The following RPS27A variants were observed in gnomAD, a reference collection of about 807,000 sequenced individuals.
RPS27A encodes the protein ubiquitin-ribosomal protein eS31 fusion protein.
RPS27A carries 1 observed loss-of-function variant against 18.9 expected under a neutral mutation model. The ratio of observed to expected loss-of-function variants is 0.05; its 90% confidence interval spans 0.02 to 0.25. RPS27A has a LOEUF of 0.25. Among genes scored for constraint, RPS27A ranks in the 10% least tolerant of loss-of-function variants. RPS27A has a pLI of 1.00. For synonymous variants in RPS27A, 77 were observed against 63.7 expected (o/e 1.21, Z -0.99); for missense variants, 123 against 187.4 (o/e 0.66, Z 2.01).
chr2:55,232,822 A>G lies in RPS27A; in HGVS notation c.-3A>G, dbSNP rs1431571389. ...CTCAACCTCAGGTGGAGCCGCCACC[A>G]AAATGCAGATTTTCGTGAAAACCCT... On this transcript the variant is annotated 5_prime_UTR_variant, in exon 2 of 6. Transcript: ENST00000272317. The G allele has an allele frequency of 1.2e-6, 2 of 1,612,820 alleles. No individual in the cohort carries two copies. Among genetic ancestry groups the G allele is most frequent in the Non-Finnish European group, 1.7e-6 (2 of 1,179,566 alleles).
At position 55,235,705 on chromosome 2, in the gene RPS27A, G is replaced by C; in HGVS notation, c.*128G>C. ...TTTTAGTAGTGCTACTGCTATCGCT[G>C]TGTGAATGTTGCCTCTGGGGATTAT... On this transcript the variant is annotated 3_prime_UTR_variant, in exon 6 of 6. Coordinates refer to ENST00000272317, the MANE Select transcript of RPS27A (RefSeq NM_002954.6). The C allele has an allele frequency of 9.2e-7, 1 of 1,083,358 alleles. No homozygotes were observed. Among genetic ancestry groups the C allele is most frequent in the Non-Finnish European group, 1.4e-6 (1 of 726,104 alleles). The allele number at this position is 1,083,358 out of a possible 1,614,324, so 67.1% of individuals were successfully genotyped here. A position where few individuals can be genotyped will look rare whatever the true frequency, so the allele number is the denominator to read the frequency against.
chr2:55,232,356 A>T, upstream of RPS27A: 1 of 269,648 alleles, frequency 3.7e-6, no homozygotes. Context: ...GGAGAACTAC[A>T]GTTCCCAGAA....
At chr2:55,233,502 A>C in intron 3 of RPS27A, 85 bp downstream of exon 3, 1 of 928,816 alleles carries the variant, frequency 1.1e-6, no homozygotes, top group Non-Finnish European at 1.8e-6. Flanking sequence ...GCTCTTGGTG[A>C]TGGGGGAAGG....
At chr2:55,233,495 C>A in intron 3 of RPS27A, 78 bp downstream of exon 3, 1 of 977,222 alleles carries the variant, frequency 1.0e-6, no homozygotes, top group South Asian at 1.3e-5. Flanking sequence ...CATACCTGCT[C>A]TTGGTGATGG....
At chr2:55,233,851 A>G (rs749305617) in intron 3 of RPS27A, 1 of 541,126 alleles carries the variant, frequency 1.8e-6, no homozygotes, top group Non-Finnish European at 3.3e-6. Context: ...GCTGGTTTTG[A>G]ACTTTTCACA....
In RPS27A at chr2:55,234,114, A is replaced by T; in HGVS notation, c.104-5A>T. The T allele has an allele frequency of 6.2e-7, 1 of 1,612,172 alleles. No homozygotes were observed. The highest frequency in any genetic ancestry group is 1.1e-5 in the South Asian group (1 of 91,044). Reference sequence around the variant, plus strand: ...TGTGACTTAATTTTTGTTTTTTGTCATTAGGAATTCCTCCTGATCAGCAGA... The same window carrying T: ...TGTGACTTAATTTTTGTTTTTTGTCTTTAGGAATTCCTCCTGATCAGCAGA... On this transcript the variant is annotated splice_polypyrimidine_tract_variant and splice_region_variant and intron_variant, in intron 3 of 5. Coordinates refer to ENST00000272317, the MANE Select transcript of RPS27A (RefSeq NM_002954.6).
At chr2:55,234,794 G>T in intron 4 of RPS27A, 37 bp from the exon 5 acceptor site, 1 of 1,610,994 alleles carries the variant, frequency 6.2e-7, no homozygotes, top group Admixed American at 1.7e-5. Context: ...CATTCTTAGT[G>T]GAATCATGAA....
intron 4 of RPS27A, chr2:55,234,473 T>TA (rs1005526948): frequency 7.2e-6 from 4 of 559,362 alleles, no homozygotes; most frequent in Non-Finnish European, 1.3e-5. Flanking sequence ...GCGCTGGGAT[T>TA]ACAGACGTGA....
rs765516326 is a variant in RPS27A at position 55,234,098 on chromosome 2, ATT to A, written c.104-17_104-16del. On this transcript the variant is annotated intron_variant, in intron 3 of 5. Transcript: ENST00000272317. ...CACAGGCTTGGTGTGCTGTGACTTA[ATT>A]TTTGTTTTTTGTCATTAGGAATTCC... 16 of 1,580,686 alleles carry A rather than the reference ATT, an allele frequency of 1.0e-5. No individual in the cohort carries two copies. Among genetic ancestry groups the A allele is most frequent in the Non-Finnish European group, 1.4e-5 (16 of 1,149,886 alleles).
chr2:55,234,991 C>G, intron 5 of RPS27A, 29 bp downstream of exon 5: 1 of 1,610,684 alleles, frequency 6.2e-7, no homozygotes, highest in Non-Finnish European at 8.5e-7. Context: ...AGAATGTCAG[C>G]AAAGTCTTGG....
chr2:55,234,492 A>C, intron 4 of RPS27A: 2 of 551,128 alleles, frequency 3.6e-6, no homozygotes, highest in Non-Finnish European at 6.5e-6. Flanking sequence ...GAGCCACTCC[A>C]TGTGGTGTAT....
rs1675659843 is a variant in RPS27A at position 55,234,034 on chromosome 2, T to G, written c.104-85T>G. ...TATTGTCAGCCTTTAGTATCATGTA[T>G]TTGATTAAGGGGTGTTACCTTATAA... On this transcript the variant is annotated intron_variant, in intron 3 of 5. Coordinates refer to ENST00000272317, the MANE Select transcript of RPS27A (RefSeq NM_002954.6). The G allele has an allele frequency of 3.4e-6, 3 of 873,596 alleles. No homozygotes were observed. The Admixed American group carries it at 5.1e-5, about 15-fold the overall frequency. The allele number at this position is 873,596 out of a possible 1,614,324, so 54.1% of individuals were successfully genotyped here.
At chr2:55,232,949 C>G in intron 2 of RPS27A, 77 bp downstream of exon 2, 3 of 1,190,236 alleles carry the variant, frequency 2.5e-6, no homozygotes, top group Non-Finnish European at 3.7e-6. Context: ...GCGCTGCTTT[C>G]CATGTCTTAG....
rs766713370 is a variant in RPS27A at position 55,232,816 on chromosome 2, G to C, written c.-9G>C. On this transcript the variant is annotated 5_prime_UTR_variant, in exon 2 of 6. Transcript: ENST00000272317. The stretch of plus-strand genomic sequence containing the variant: ...CTTTTCCTCAACCTCAGGTGGAGCC[G>C]CCACCAAAATGCAGATTTTCGTGAA... 1.2e-6 allele frequency: 2 copies of C among 1,611,260 alleles called. No homozygotes were observed. The highest frequency in any genetic ancestry group is 1.7e-6 in the Non-Finnish European group (2 of 1,178,688).
At position 55,235,673 on chromosome 2, in the gene RPS27A, C is replaced by T; in HGVS notation, c.*96C>T. 2 of 1,381,832 alleles carry T rather than the reference C, an allele frequency of 1.4e-6. No homozygotes were observed. Among genetic ancestry groups the T allele is most frequent in the Non-Finnish European group, 2.0e-6 (2 of 984,874 alleles). The allele number at this position is 1,381,832 out of a possible 1,614,324, so 85.6% of individuals were successfully genotyped here. On this transcript the variant is annotated 3_prime_UTR_variant, in exon 6 of 6. Coordinates refer to ENST00000272317, the MANE Select transcript of RPS27A (RefSeq NM_002954.6). ...TTAAGCACCAAATTGATGGTCACAC[C>T]ATTTCCTTTTAGTAGTGCTACTGCT...
chr2:55,232,509 G>A (rs1314327981), upstream of RPS27A: 2 of 461,338 alleles, frequency 4.3e-6, no homozygotes, highest in African/African-American at 3.9e-5. Context: ...AAAGCATTCC[G>A]AAGGCTAAAG....
Position 55,235,616 on chromosome 2 carries a change from G to A in RPS27A, c.*39G>A, listed in dbSNP as rs774072074. The A allele has an allele frequency of 1.4e-5, 23 of 1,596,066 alleles. No homozygotes were observed. Among genetic ancestry groups the A allele is most frequent in the African/African-American group, 5.3e-5 (4 of 74,822 alleles). On this transcript the variant is annotated 3_prime_UTR_variant, in exon 6 of 6. Coordinates refer to ENST00000272317, the MANE Select transcript of RPS27A (RefSeq NM_002954.6). ...TAAAAGACATGAACTAACATTTATT[G>A]TTGGGTTTTATTGCAGTAAAAAGAA...
At chr2:55,234,046 G>T (rs1232949434) in intron 3 of RPS27A, 73 bp from the exon 4 acceptor site, 2 of 926,992 alleles carry the variant, frequency 2.2e-6, no homozygotes, top group Non-Finnish European at 3.6e-6. Context: ...TGATTAAGGG[G>T]TGTTACCTTA....
At position 55,232,875 on chromosome 2, in the gene RPS27A, A is replaced by G. The variant is rs766387520; in HGVS notation, c.48+3A>G. 7.5e-6 allele frequency: 12 copies of G among 1,610,376 alleles called. No homozygotes were observed. The African/African-American group carries it at 1.5e-4, about 20-fold the overall frequency. Reference sequence around the variant, plus strand: ...CGGGGAAGACCATCACCCTCGAGGTACGGGCCGGGTGGTCATGAGGAAGCC... The same window carrying G: ...CGGGGAAGACCATCACCCTCGAGGTGCGGGCCGGGTGGTCATGAGGAAGCC... On this transcript the variant is annotated splice_donor_region_variant and intron_variant, in intron 2 of 5. Coordinates refer to ENST00000272317, the MANE Select transcript of RPS27A (RefSeq NM_002954.6).
Sources: gnomAD v4.1 joint callset for allele counts on GRCh38, gnomAD v4.1.1 for gene constraint, MANE v1.5 for transcripts, NCBI Gene and HGNC (gene_info 2026-07-23, HGNC 2026-07-21) for gene names.